NRG1: variants seen among roughly 807,000 people sequenced by gnomAD.
NRG1 encodes pro-neuregulin-1, membrane-bound isoform.
A neutral mutation model predicts 63.8 loss-of-function variants in NRG1; 18 were observed. The ratio of observed to expected loss-of-function variants is 0.28; its 90% CI spans 0.19 to 0.42. The LOEUF (loss-of-function observed/expected upper bound fraction) is 0.42, where lower values mean the gene tolerates loss of function less well. Ranked by LOEUF, NRG1 falls within the 10% of genes least tolerant of loss-of-function variation. The pLI, the probability that NRG1 is intolerant of heterozygous loss-of-function variation, is 1.00. For missense variants in NRG1, 762 were observed against 814.7 expected (o/e 0.94, Z 0.79); for synonymous variants, 302 against 301.3 (o/e 1.00, Z -0.02).
At chr8:32,038,387 G>T (rs898381178) in intron 1 of NRG1, among the ~76,000 whole-genome samples, 1 of 151,976 alleles carries the variant, frequency 6.6e-6, no homozygotes, top group African/African-American at 2.4e-5. Flanking sequence ...TTTTGTTCTT[G>T]GTGGAAGCTG....
chr8:31,796,061 C>A (rs1286209423), intron 1 of NRG1, among the ~76,000 whole-genome samples: 1 of 152,044 alleles, frequency 6.6e-6, no homozygotes, highest in Non-Finnish European at 1.5e-5. Flanking sequence ...AACAAGTAAT[C>A]TTTGCAAAAA....
intron 1 of NRG1, among the ~76,000 whole-genome samples, chr8:32,313,423 A>C (rs1323535821): frequency 6.6e-6 from 1 of 152,296 alleles, no homozygotes; most frequent in Non-Finnish European, 1.5e-5. Context: ...AATTAGGTGC[A>C]TTATAAATAA....
At chr8:31,935,133 A>AT (rs1355160480) in intron 1 of NRG1, among the ~76,000 whole-genome samples, 66 of 148,918 alleles carry the variant, frequency 4.4e-4, no homozygotes, top group African/African-American at 1.4e-3. Flanking sequence ...TATTTTTTGT[A>AT]TTTTTTTTGT....
At chr8:32,493,066 G>T (rs1401761871) in intron 1 of NRG1, among the ~76,000 whole-genome samples, 2 of 152,076 alleles carry the variant, frequency 1.3e-5, no homozygotes, top group African/African-American at 2.4e-5. Context: ...AAACCCTACT[G>T]CCAGGGATTT....
At chr8:32,579,710 TG>T (rs1156597509) in intron 1 of NRG1, among the ~76,000 whole-genome samples, 1 of 152,210 alleles carries the variant, frequency 6.6e-6, no homozygotes, top group Non-Finnish European at 1.5e-5. Flanking sequence ...GATTTCTCCT[TG>T]GGAACTGTAT....
At chr8:32,517,101 C>G (rs934434918) in intron 1 of NRG1, among the ~76,000 whole-genome samples, 1 of 152,120 alleles carries the variant, frequency 6.6e-6, no homozygotes, top group Non-Finnish European at 1.5e-5. Flanking sequence ...CATCTGCCTG[C>G]TTGCACCTAT....
intron 1 of NRG1, among the ~76,000 whole-genome samples, chr8:32,470,375 T>C (rs1823686395): frequency 1.3e-5 from 2 of 151,790 alleles, no homozygotes; most frequent in Non-Finnish European, 2.9e-5. Flanking sequence ...TTTTTTCTTT[T>C]TTGTATTTTT....
At chr8:31,726,252 T>G (rs1216970744) in intron 1 of NRG1, among the ~76,000 whole-genome samples, 1 of 152,134 alleles carries the variant, frequency 6.6e-6, no homozygotes, top group Non-Finnish European at 1.5e-5. Flanking sequence ...AATAAAGTTT[T>G]AAATACTGAA....
At chr8:32,244,711 T>A (rs1848442868) in intron 1 of NRG1, among the ~76,000 whole-genome samples, 1 of 152,180 alleles carries the variant, frequency 6.6e-6, no homozygotes, top group South Asian at 2.1e-4. Flanking sequence ...GAAACCTGAG[T>A]AAGACTGAGC....
chr8:32,558,552 A>C (rs977434083), intron 1 of NRG1, among the ~76,000 whole-genome samples: 3 of 152,138 alleles, frequency 2.0e-5, no homozygotes, highest in Non-Finnish European at 4.4e-5. Context: ...AGGGACCTGC[A>C]TTTGGACCTG....
At chr8:32,648,060 G>C in intron 5 of NRG1, 1 of 1,614,046 alleles carries the variant, frequency 6.2e-7, no homozygotes, top group Non-Finnish European at 8.5e-7. Flanking sequence ...CCTTGACCCT[G>C]GGGGGTTAGG....
intron 1 of NRG1, among the ~76,000 whole-genome samples, chr8:31,957,265 G>A (rs1376858962): frequency 6.6e-6 from 1 of 151,304 alleles, no homozygotes; most frequent in Non-Finnish European, 1.5e-5. Context: ...AGACCTAGAA[G>A]CAATTTTTAC....
At chr8:32,772,055 A>G (rs1438049923), downstream of NRG1, among the ~76,000 whole-genome samples, 109 of 3,164 alleles carry the variant, frequency 0.034, 7 homozygotes, top group African/African-American at 0.084. Context: ...ATATATATAT[A>G]TATATATATA....
intron 1 of NRG1, among the ~76,000 whole-genome samples, chr8:32,489,246 T>C (rs1166183830): frequency 6.6e-6 from 1 of 152,178 alleles, no homozygotes; most frequent in Admixed American, 6.5e-5. Context: ...CATGCTCACC[T>C]GAGGCGTTCT....
intron 1 of NRG1, among the ~76,000 whole-genome samples, chr8:32,076,720 T>TAA (rs5890619): frequency 8.5e-4 from 125 of 147,754 alleles, no homozygotes; most frequent in South Asian, 2.6e-3. Context: ...TGAACTTAAG[T>TAA]AAAAAAAAAA....
chr8:31,804,278 G>C (rs1229697441), intron 1 of NRG1, among the ~76,000 whole-genome samples: 1 of 152,120 alleles, frequency 6.6e-6, no homozygotes, highest in Non-Finnish European at 1.5e-5. Context: ...TGCCAAATAT[G>C]CTTTCAAGCA....
intron 1 of NRG1, among the ~76,000 whole-genome samples, chr8:32,493,088 T>G (rs2129495098): frequency 6.6e-6 from 1 of 152,264 alleles, no homozygotes; most frequent in East Asian, 1.9e-4. Context: ...CAATGGCAAC[T>G]TTACCGTGCT....
At chr8:31,855,052 T>C (rs982926092) in intron 1 of NRG1, among the ~76,000 whole-genome samples, 7 of 152,182 alleles carry the variant, frequency 4.6e-5, no homozygotes, top group Non-Finnish European at 8.8e-5. Flanking sequence ...AATTTTGGAA[T>C]AGGTGTGGTG....
chr8:31,695,953 C>T (rs556587235), intron 1 of NRG1, among the ~76,000 whole-genome samples: 1 of 152,264 alleles, frequency 6.6e-6, no homozygotes, highest in East Asian at 1.9e-4. Context: ...TTCTGCCCCC[C>T]TTAACTGTAA....
Sources: allele counts gnomAD v4.1 joint callset (sites outside exome capture counted in the v4.1 genomes callset), GRCh38; gene constraint gnomAD v4.1.1; transcripts MANE v1.5; gene names NCBI Gene and HGNC (gene_info 2026-07-23, HGNC 2026-07-21).